The following RBM25 variants were observed in gnomAD, a reference collection of about 807,000 sequenced individuals.
RBM25 encodes RNA-binding protein 25.
In RBM25, 19 loss-of-function variants were observed where a neutral mutation model predicts 120.7. The ratio of observed to expected loss-of-function variants is 0.16; its 90% CI spans 0.11 to 0.23. The LOEUF is 0.23. Ranked by LOEUF, RBM25 falls within the 10% of genes least tolerant of loss-of-function variation. RBM25 has a pLI of 1.00. For synonymous variants in RBM25, 390 were observed against 326.7 expected (o/e 1.19, Z -2.09); for missense variants, 605 against 1,041.5 (o/e 0.58, Z 5.77).
chr14:73,117,028 G>C lies in RBM25; in HGVS notation c.2440-2685G>C, dbSNP rs571363059. ...ATTTTATGTAAATTAAATGAAGTTT[G>C]GTTGCATTTTGTGCCTACATCTCTC... On this transcript the variant is annotated intron_variant, in intron 18 of 18. Transcript: ENST00000261973. 3.3e-5 allele frequency among the ~76,000 whole-genome samples: 5 copies of C among 151,986 alleles called. No individual in the cohort carries two copies. In the South Asian group the frequency reaches 1.0e-3, roughly 32 times the overall value.
intron 1 of RBM25, among the ~76,000 whole-genome samples, chr14:73,059,944 T>C (rs1894961010): frequency 6.6e-6 from 1 of 152,158 alleles, no homozygotes; most frequent in Non-Finnish European, 1.5e-5. Context: ...GTAACACACA[T>C]AAGCATTTAA....
chr14:73,117,296 A>G (rs977565162), intron 18 of RBM25, among the ~76,000 whole-genome samples: 1 of 125,130 alleles, frequency 8.0e-6, no homozygotes, highest in Non-Finnish European at 1.6e-5. Context: ...CAGTGGCGCG[A>G]TCTTGGCTCA....
intron 9 of RBM25, chr14:73,102,187 G>T (rs972452971): frequency 2.0e-5 from 3 of 152,212 alleles, no homozygotes; most frequent in Admixed American, 6.5e-5. Context: ...GAAACTAAAC[G>T]TGAAACAAAA....
chr14:73,099,921 G>T, intron 9 of RBM25, 171 bp downstream of exon 9: 2 of 1,049,808 alleles, frequency 1.9e-6, no homozygotes, highest in Non-Finnish European at 2.5e-6. Context: ...ATATTAAAGT[G>T]GTCCTTGACA....
intron 5 of RBM25, among the ~76,000 whole-genome samples, chr14:73,085,468 G>A (rs1341371214): frequency 6.7e-6 from 1 of 148,818 alleles, no homozygotes. Flanking sequence ...TTGAGATGGA[G>A]TTTTTCGCTC....
intron 9 of RBM25, 169 bp downstream of exon 9, chr14:73,099,919 G>T: frequency 9.2e-7 from 1 of 1,081,260 alleles, no homozygotes; most frequent in Non-Finnish European, 1.2e-6. Flanking sequence ...CCATATTAAA[G>T]TGGTCCTTGA....
chr14:73,064,402 A>G (rs1033137691), intron 1 of RBM25, among the ~76,000 whole-genome samples: 1 of 151,078 alleles, frequency 6.6e-6, no homozygotes, highest in Non-Finnish European at 1.5e-5. Flanking sequence ...AATCTTTTTT[A>G]TTTTTGTTTT....
At chr14:73,117,413 G>A (rs1458839997) in intron 18 of RBM25, among the ~76,000 whole-genome samples, 4 of 151,394 alleles carry the variant, frequency 2.6e-5, no homozygotes, top group African/African-American at 9.7e-5. Context: ...TGTATTTTTA[G>A]TATTGACGGG....
chr14:73,089,988 A>G (rs755995590), intron 6 of RBM25, among the ~76,000 whole-genome samples: 13 of 151,918 alleles, frequency 8.6e-5, no homozygotes, highest in Non-Finnish European at 1.6e-4. Flanking sequence ...TAATTTTATG[A>G]AACTCTTGCT....
intron 2 of RBM25, among the ~76,000 whole-genome samples, chr14:73,075,942 A>G (rs61985131): frequency 0.088 from 13,437 of 151,930 alleles, 793 homozygotes; most frequent in Non-Finnish European, 0.14. Context: ...CACCGTGCCC[A>G]GCTGTTTTTA....
At chr14:73,112,369 G>C in intron 17 of RBM25, 119 bp downstream of exon 17, 1 of 968,248 alleles carries the variant, frequency 1.0e-6, no homozygotes, top group Non-Finnish European at 1.4e-6. Flanking sequence ...GTTCAGTTAA[G>C]TGATTTATAT....
At position 73,103,291 on chromosome 14, in the gene RBM25, CGAGAACGGGAACGAGAAAGGGAAA is replaced by C; in HGVS notation, c.975_998del (p.Arg329_Glu336del). The C allele has an allele frequency of 1.3e-6, 2 of 1,584,724 alleles. No homozygotes were observed. The highest frequency in any genetic ancestry group is 1.7e-6 in the Non-Finnish European group (2 of 1,164,280). On this transcript the variant is annotated inframe_deletion, in exon 10 of 19. Coordinates refer to ENST00000261973, the MANE Select transcript of RBM25 (RefSeq NM_021239.3). ...GGAGCGTGAAAGGGAACGAGAAAGG[CGAGAACGGGAACGAGAAAGGGAAA>C]GAGAACGTGAACGAGAAAAGGAGAA...
intron 1 of RBM25, among the ~76,000 whole-genome samples, chr14:73,060,958 AAC>A (rs1164954433): frequency 9.3e-5 from 14 of 151,002 alleles, no homozygotes; most frequent in African/African-American, 3.4e-4. Flanking sequence ...CTTACCTAAC[AAC>A]AGTACGACAA....
intron 7 of RBM25, among the ~76,000 whole-genome samples, chr14:73,097,631 G>A (rs1297838825): frequency 6.6e-6 from 1 of 152,070 alleles, no homozygotes; most frequent in Non-Finnish European, 1.5e-5. Context: ...CACTGCGCCC[G>A]GCCCCTATTT....
rs1472380076 is a variant in RBM25, at chr14:73,121,556, T to C, written c.*1751T>C. On this transcript the variant is annotated 3_prime_UTR_variant, in exon 19 of 19. Coordinates refer to ENST00000261973, the MANE Select transcript of RBM25 (RefSeq NM_021239.3). ...TCTCAACGGAAAATTTCAGAAAAGA[T>C]GCCCCTTGCCATTTTCGTTAATTTT... is the stretch of plus-strand genomic sequence containing the variant. The C allele has an allele frequency of 2.0e-5, 3 of 152,336 alleles. No homozygotes were observed. In the South Asian group the frequency reaches 6.2e-4, roughly 32 times the overall value. The allele number at this position is 152,336 out of a possible 1,614,324, so 9.4% of individuals were successfully genotyped here.
At chr14:73,087,169 G>T (rs537643669) in intron 5 of RBM25, among the ~76,000 whole-genome samples, 28 of 152,146 alleles carry the variant, frequency 1.8e-4, no homozygotes, top group African/African-American at 5.5e-4. Context: ...GCTCTTCTTA[G>T]ATTTAATTTT....
At chr14:73,103,546 A>G (rs1211125805) in intron 10 of RBM25, 68 bp downstream of exon 10, 2 of 1,508,658 alleles carry the variant, frequency 1.3e-6, no homozygotes, top group Admixed American at 2.3e-5. Flanking sequence ...CCTCCAGAGT[A>G]CCATTTGCAT....
chr14:73,086,775 G>T (rs1380995147), intron 5 of RBM25, among the ~76,000 whole-genome samples: 1 of 152,250 alleles, frequency 6.6e-6, no homozygotes, highest in East Asian at 1.9e-4. Context: ...GGCAATCTCA[G>T]CTTACTGCAA....
chr14:73,073,425 C>A (rs888597267), intron 2 of RBM25, among the ~76,000 whole-genome samples: 1 of 152,198 alleles, frequency 6.6e-6, no homozygotes, highest in East Asian at 1.9e-4. Flanking sequence ...CAGTGGCTCA[C>A]GCCTGTAACC....
Sources: allele counts gnomAD v4.1 joint callset (sites outside exome capture counted in the v4.1 genomes callset), GRCh38; gene constraint gnomAD v4.1.1; transcripts MANE v1.5; gene names NCBI Gene and HGNC (gene_info 2026-07-23, HGNC 2026-07-21).